ACAD9: variants seen among roughly 807,000 people sequenced by gnomAD.
The protein encoded by ACAD9 is complex I assembly factor ACAD9, mitochondrial.
Under a neutral mutation model 70.2 loss-of-function variants are expected in ACAD9, and 53 were observed. That is an observed-to-expected ratio of 0.75 (90% CI 0.61 to 0.95). ACAD9 has a LOEUF of 0.95. Ranked by LOEUF, ACAD9 falls within the 40% of genes least tolerant of loss-of-function variation. ACAD9 has a pLI of 0.00. For missense variants in ACAD9, 777 were observed against 802.8 expected (o/e 0.97, Z 0.39); for synonymous variants, 313 against 312.1 (o/e 1.00, Z -0.03).
At chr3:128,908,904 G>A in intron 13 of ACAD9, 69 bp from the exon 14 acceptor site, 1 of 1,612,518 alleles carries the variant, frequency 6.2e-7, no homozygotes. Flanking sequence ...GGTGCCGAAT[G>A]GGCCATGTTG....
At chr3:128,904,347 C>T (rs745683893) in intron 10 of ACAD9, 39 bp from the exon 11 acceptor site, 33 of 1,614,166 alleles carry the variant, frequency 2.0e-5, no homozygotes, top group Middle Eastern at 1.6e-4. Flanking sequence ...GCTCTCAGCA[C>T]ATGCAAATTG....
intron 2 of ACAD9, among the ~76,000 whole-genome samples, chr3:128,889,353 C>T (rs6786847): frequency 0.072 from 10,919 of 152,016 alleles, 995 homozygotes; most frequent in African/African-American, 0.22. Flanking sequence ...TAAGCCATAC[C>T]ATATAGCCTA....
rs142860593 is a variant in ACAD9 at position 128,894,157 on chromosome 3, T to C, written c.346+501T>C. The stretch of plus-strand genomic sequence containing the variant: ...GGTTCAAAGGGATAGACCACACACA[T>C]GTGTGCCATTTGTGTTTACCCTCAG... On this transcript the variant is annotated intron_variant, in intron 3 of 17. Coordinates refer to ENST00000308982, the MANE Select transcript of ACAD9 (RefSeq NM_014049.5). 8.7e-3 allele frequency among the ~76,000 whole-genome samples: 1,318 copies of C among 152,256 alleles called. 31 individuals carry two copies. Among genetic ancestry groups the C allele is most frequent in the Admixed American group, 0.04 (619 of 15,300 alleles).
intron 15 of ACAD9, 191 bp from the exon 16 acceptor site, chr3:128,909,830 A>G: frequency 3.8e-6 from 3 of 785,722 alleles, no homozygotes; most frequent in Non-Finnish European, 4.1e-6. Flanking sequence ...CTGAATCTAG[A>G]GCTCAAAGAG....
chr3:128,889,438 G>T (rs1456588306), intron 2 of ACAD9, among the ~76,000 whole-genome samples: 4 of 152,126 alleles, frequency 2.6e-5, no homozygotes, highest in African/African-American at 9.7e-5. Flanking sequence ...ATCACCTGAC[G>T]CATGACTGTA....
chr3:128,906,234 C>T lies in ACAD9; in HGVS notation c.1263C>T (p.Ile421=). 1.2e-6 allele frequency: 2 copies of T among 1,614,176 alleles called. No individual in the cohort carries two copies. Among genetic ancestry groups the T allele is most frequent in the Non-Finnish European group, 1.7e-6 (2 of 1,180,038 alleles). ...PYERILRDTR[I]LLIFEGTNEI... ...AGCGCATACTGCGTGACACCCGCAT[C>T]CTCCTCATCTTCGAGGTGAGTGGCC... is the stretch of plus-strand genomic sequence containing the variant. Residue 421 remains isoleucine, a synonymous_variant, in exon 12 of 18, where the codon ATC becomes ATT. Transcript: ENST00000308982.
intron 2 of ACAD9, among the ~76,000 whole-genome samples, chr3:128,887,644 A>AATAT (rs71153150): frequency 0.026 from 3,479 of 132,902 alleles, 129 homozygotes; most frequent in African/African-American, 0.082. Context: ...AAAATAAATA[A>AATAT]ATATATATAT....
rs762458764 is a variant in ACAD9, at chr3:128,910,136, A to G, written c.1679A>G (p.Asn560Ser). 8.7e-6 allele frequency: 14 copies of G among 1,613,886 alleles called. No homozygotes were observed. Among genetic ancestry groups the G allele is most frequent in the South Asian group, 4.4e-5 (4 of 91,080 alleles). The part of the protein sequence containing the change: ...ASRSIRIGLR[N>S]HDHEVLLANT... ...CGCTCCATCCGCATTGGGCTCCGCA[A>G]CCACGACCACGAGGTGAGCCCAGCC... is the stretch of plus-strand genomic sequence containing the variant. The change falls in exon 16 of 18, where the codon AAC becomes AGC. Residue 560 changes from asparagine (N) to serine (S), a missense_variant. Physicochemically the swap from Asn to Ser is conservative, Grantham distance 46. Transcript: ENST00000308982.
At position 128,902,688 on chromosome 3, in the gene ACAD9, C is replaced by T; in HGVS notation, c.958+60C>T. 6.4e-7 allele frequency: 1 copy of T among 1,565,460 alleles called. No homozygotes were observed. Among genetic ancestry groups the T allele is most frequent in the Non-Finnish European group, 8.8e-7 (1 of 1,142,706 alleles). On this transcript the variant is annotated intron_variant, in intron 9 of 17. Coordinates refer to ENST00000308982, the MANE Select transcript of ACAD9 (RefSeq NM_014049.5). This position sits in a 1 kb window ranked among gnomAD's most constrained non-coding sequence, Gnocchi z 4.0. ...ACCCCCTGCTGCCCCGGCTCCAACC[C>T]TGGAGGCTCTGCCATTCCCCCGGCC...
intron 2 of ACAD9, among the ~76,000 whole-genome samples, chr3:128,889,874 T>C (rs1482342220): frequency 6.6e-6 from 1 of 152,136 alleles, no homozygotes; most frequent in Admixed American, 6.6e-5. Flanking sequence ...TGGGCTGGAG[T>C]GCAGTGGTGT....
chr3:128,903,987 G>A, intron 9 of ACAD9, 75 bp from the exon 10 acceptor site: 1 of 1,494,054 alleles, frequency 6.7e-7, no homozygotes, highest in Non-Finnish European at 9.3e-7. Flanking sequence ...GAAGGGTAAG[G>A]ATGATGGCCA....
chr3:128,894,196 A>C (rs925513975), intron 3 of ACAD9, among the ~76,000 whole-genome samples: 12 of 152,176 alleles, frequency 7.9e-5, no homozygotes, highest in African/African-American at 2.9e-4. Flanking sequence ...CTTTTGATAT[A>C]AAATTATAAA....
intron 7 of ACAD9, among the ~76,000 whole-genome samples, chr3:128,900,337 A>G (rs566852957): frequency 6.6e-6 from 1 of 152,050 alleles, no homozygotes; most frequent in East Asian, 1.9e-4. Context: ...TCCCGGGTTC[A>G]CGCCATTCTC....
chr3:128,912,413 G>A lies in ACAD9; in HGVS notation c.1766-94G>A, dbSNP rs953562299. 13 of 1,089,192 alleles carry A rather than the reference G, an allele frequency of 1.2e-5. No homozygotes were observed. In the African/African-American group the frequency reaches 1.8e-4, roughly 15 times the overall value. The allele number at this position is 1,089,192 out of a possible 1,614,324, so 67.5% of individuals were successfully genotyped here. Reference sequence around the variant, plus strand: ...CCCTTAGGGCTGCTTCATGGTGGGTGGGCTGACTTTGTGGAAAAATGCCCC... The same window carrying A: ...CCCTTAGGGCTGCTTCATGGTGGGTAGGCTGACTTTGTGGAAAAATGCCCC... On this transcript the variant is annotated intron_variant, in intron 17 of 17. Coordinates refer to ENST00000308982, the MANE Select transcript of ACAD9 (RefSeq NM_014049.5).
At chr3:128,910,688 G>C in intron 16 of ACAD9, 53 bp from the exon 17 acceptor site, 2 of 1,602,902 alleles carry the variant, frequency 1.2e-6, no homozygotes, top group Non-Finnish European at 1.7e-6. Flanking sequence ...TTGAAGCTCA[G>C]AGGTCTGATT....
chr3:128,880,631 C>G (rs1291092391), intron 1 of ACAD9, among the ~76,000 whole-genome samples: 1 of 152,066 alleles, frequency 6.6e-6, no homozygotes, highest in Non-Finnish European at 1.5e-5. Flanking sequence ...GGGTGATCCG[C>G]CCACCTCGGC....
chr3:128,892,485 A>G (rs1380198425), intron 2 of ACAD9, among the ~76,000 whole-genome samples: 2 of 152,204 alleles, frequency 1.3e-5, no homozygotes, highest in African/African-American at 4.8e-5. Context: ...GTGTGCAATT[A>G]TAGGTCTAAT....
intron 7 of ACAD9, 62 bp downstream of exon 7, chr3:128,899,523 G>GGTGTGTGTGTGTGTGTGTGTGTGT (rs63473460): frequency 3.7e-6 from 4 of 1,068,764 alleles, no homozygotes; most frequent in African/African-American, 3.3e-5. Context: ...GGCCTTTGAC[G>GGTGTGTGTGTGTGTGTGTGTGTGT]GTGTGTGTGT....
At chr3:128,901,224 A>C in intron 7 of ACAD9, 52 bp from the exon 8 acceptor site, 1 of 1,539,616 alleles carries the variant, frequency 6.5e-7, no homozygotes. Flanking sequence ...TGCAGGTCAG[A>C]TGCAGAGTGG....
Sources: allele counts gnomAD v4.1 joint callset (sites outside exome capture counted in the v4.1 genomes callset), GRCh38; gene constraint gnomAD v4.1.1; non-coding constraint Gnocchi (gnomAD v3.1); transcripts MANE v1.5; gene names NCBI Gene and HGNC (gene_info 2026-07-23, HGNC 2026-07-21).